CMC1: variants seen among roughly 807,000 people sequenced by gnomAD.
CMC1 encodes the protein C-X9-C motif containing 1.
In CMC1, 14 loss-of-function variants were observed where a neutral mutation model predicts 14.1. The observed-to-expected ratio is 0.99, with a 90% CI of 0.66 to 1.55. The LOEUF is 1.55. CMC1 is among the 40% of genes most tolerant of loss of function. The probability of loss-of-function intolerance (pLI) is 0.00; values close to 1 mark genes in which losing one functional copy is unlikely to be tolerated. For synonymous variants in CMC1, 50 were observed against 38.4 expected, an observed-to-expected ratio of 1.30 and a Z score of -1.12; for missense variants, 127 against 123.8, an observed-to-expected ratio of 1.03 and a Z score of -0.12.
Position 28,303,133 on chromosome 3 carries a change from C to T in CMC1, c.110-13200C>T, listed in dbSNP as rs549117353. The stretch of plus-strand genomic sequence containing the variant: ...TTTGTACAATTCAAGTGAGCTAACA[C>T]GCATAAAGTACCTAGTATAGTAGTG... On this transcript the variant is annotated intron_variant, in intron 2 of 3. Coordinates refer to ENST00000466830, the MANE Select transcript of CMC1 (RefSeq NM_182523.2). Among the ~76,000 whole-genome samples, 14 of 152,112 alleles carry T rather than the reference C, an allele frequency of 9.2e-5. No homozygotes were observed. In the South Asian group the frequency reaches 2.3e-3, roughly 25 times the overall value.
At position 28,321,670 on chromosome 3, in the gene CMC1, G is replaced by A. The variant is rs1414262816; in HGVS notation, c.*2041G>A. 1 of 151,278 alleles carries A rather than the reference G, an allele frequency of 6.6e-6. No homozygotes were observed. The highest frequency in any genetic ancestry group is 1.9e-4 in the East Asian group (1 of 5,140). 9.4% of individuals were successfully genotyped at this position (151,278 alleles called of 1,614,324 possible). On this transcript the variant is annotated 3_prime_UTR_variant, in exon 4 of 4. Transcript: ENST00000466830. ...AAGTAGCCTTTCTGAATTAAGATCA[G>A]TACTTTGTTGTCACATGATTCAGCT...
intron 2 of CMC1, among the ~76,000 whole-genome samples, chr3:28,279,926 A>G (rs1700788887): frequency 6.6e-6 from 1 of 152,232 alleles, no homozygotes; most frequent in African/African-American, 2.4e-5. Context: ...TCCAGGAGAA[A>G]TGAAACTACG....
At position 28,324,702 on chromosome 3, in the gene CMC1, C is replaced by T; in HGVS notation, c.*5073C>T. 2.9e-6 allele frequency: 1 copy of T among 340,900 alleles called. No individual in the cohort carries two copies. The highest frequency in any genetic ancestry group is 5.3e-6 in the Non-Finnish European group (1 of 188,442). The allele number at this position is 340,900 out of a possible 1,614,324, so 21.1% of individuals were successfully genotyped here. On this transcript the variant is annotated 3_prime_UTR_variant, in exon 4 of 4. Coordinates refer to ENST00000466830, the MANE Select transcript of CMC1 (RefSeq NM_182523.2). ...CTCCTGATGTCTCTTTCCTTGTCTG[C>T]AGAATGGATATAGAATTCCTGTCCC... is the stretch of plus-strand genomic sequence containing the variant.
intron 2 of CMC1, among the ~76,000 whole-genome samples, chr3:28,290,849 C>T (rs1278521112): frequency 2.0e-5 from 3 of 151,762 alleles, no homozygotes; most frequent in South Asian, 2.1e-4. Flanking sequence ...TTATTAATCT[C>T]ATAGTTTCTG....
chr3:28,258,390 T>A (rs1429323573), intron 1 of CMC1, among the ~76,000 whole-genome samples: 1 of 151,572 alleles, frequency 6.6e-6, no homozygotes, highest in Admixed American at 6.6e-5. Context: ...AATTGAAGGG[T>A]CTTTTTTGTT....
At chr3:28,255,754 C>T (rs1292618877) in intron 1 of CMC1, among the ~76,000 whole-genome samples, 2 of 150,316 alleles carry the variant, frequency 1.3e-5, no homozygotes, top group Non-Finnish European at 1.5e-5. Context: ...CACACACACA[C>T]GCGACAGAGA....
rs1703226764 is a variant in CMC1 at position 28,322,782 on chromosome 3, G to A, written c.*3153G>A. ...TAATAGAAAAAAATATCTAGTGAATGGCGAACATTGTCTATGTATGTATGC... is the reference window on the plus strand; with the variant it reads ...TAATAGAAAAAAATATCTAGTGAATAGCGAACATTGTCTATGTATGTATGC... On this transcript the variant is annotated 3_prime_UTR_variant, in exon 4 of 4. Transcript: ENST00000466830. 1 of 151,412 alleles carries A rather than the reference G, an allele frequency of 6.6e-6. No individual in the cohort carries two copies. The highest frequency in any genetic ancestry group is 2.4e-5 in the African/African-American group (1 of 41,274). The allele number at this position is 151,412 out of a possible 1,614,324, so 9.4% of individuals were successfully genotyped here. A position where few individuals can be genotyped will look rare whatever the true frequency, so the allele number is the denominator to read the frequency against.
At chr3:28,317,398 C>T (rs1310026848) in intron 3 of CMC1, 1 of 151,810 alleles carries the variant, frequency 6.6e-6, no homozygotes, top group East Asian at 1.9e-4. Context: ...GTATTGTACT[C>T]AGTGCTTTAC....
Position 28,324,009 on chromosome 3 carries a change from G to A in CMC1, c.*4380G>A, listed in dbSNP as rs1339410621. ...GGGAGGACCACTGAAAGAGATAAGT[G>A]TCCTCATGGTGAAATCGTGAATCTC... is the stretch of plus-strand genomic sequence containing the variant. On this transcript the variant is annotated 3_prime_UTR_variant, in exon 4 of 4. Transcript: ENST00000466830. 5 of 1,559,314 alleles carry A rather than the reference G, an allele frequency of 3.2e-6. No homozygotes were observed. Among genetic ancestry groups the A allele is most frequent in the East Asian group, 2.3e-5 (1 of 44,308 alleles).
chr3:28,308,246 A>C (rs1702436047), intron 2 of CMC1, among the ~76,000 whole-genome samples: 1 of 152,060 alleles, frequency 6.6e-6, no homozygotes, highest in Non-Finnish European at 1.5e-5. Context: ...AAAAATTCAA[A>C]CCTTAACTGT....
intron 1 of CMC1, among the ~76,000 whole-genome samples, chr3:28,257,961 T>C (rs983478205): frequency 4.6e-5 from 7 of 151,598 alleles, no homozygotes; most frequent in African/African-American, 1.7e-4. Flanking sequence ...CTCTCCAACG[T>C]TGGTGTTGTC....
chr3:28,245,679 C>T (rs942652679), intron 1 of CMC1, among the ~76,000 whole-genome samples: 2 of 152,124 alleles, frequency 1.3e-5, no homozygotes, highest in Non-Finnish European at 2.9e-5. Flanking sequence ...AATTTCATGA[C>T]ATTCCATGAG....
intron 2 of CMC1, among the ~76,000 whole-genome samples, chr3:28,308,799 A>G (rs986806236): frequency 2.0e-5 from 3 of 152,096 alleles, no homozygotes; most frequent in Admixed American, 2.0e-4. Context: ...CCTGGCCAAC[A>G]TGGTGAAACC....
intron 1 of CMC1, among the ~76,000 whole-genome samples, chr3:28,249,490 C>T (rs141214788): frequency 4.9e-4 from 74 of 152,322 alleles, no homozygotes; most frequent in African/African-American, 1.6e-3. Context: ...ATGAGTTAGA[C>T]GTGGTCTCTG....
rs2125627977 is a variant in CMC1, at chr3:28,322,337, C to T, written c.*2708C>T. The T allele has an allele frequency of 6.6e-6, 1 of 151,368 alleles. No individual in the cohort carries two copies. Among genetic ancestry groups the T allele is most frequent in the Admixed American group, 6.6e-5 (1 of 15,138 alleles). The allele number at this position is 151,368 out of a possible 1,614,324, so 9.4% of individuals were successfully genotyped here. On this transcript the variant is annotated 3_prime_UTR_variant, in exon 4 of 4. Coordinates refer to ENST00000466830, the MANE Select transcript of CMC1 (RefSeq NM_182523.2). ...AGATTTTGAGATCTATAGGCAAGGA[C>T]AATATTTCACATCCACTTCAATTTC... is the stretch of plus-strand genomic sequence containing the variant.
At position 28,263,228 on chromosome 3, in the gene CMC1, A is replaced by G. The variant is rs536531669; in HGVS notation, c.20-63A>G. 3.4e-4 allele frequency: 402 copies of G among 1,180,626 alleles called. 1 individual carries two copies. The South Asian group carries it at 4.9e-3, about 14-fold the overall frequency. 73.1% of individuals were successfully genotyped at this position (1,180,626 alleles called of 1,614,324 possible). Reference sequence around the variant, plus strand: ...TTTATTTTAAGTAAACCAGAGTCTTATTTTTCCTTTAATCTGGTGATTTGC... The same window carrying G: ...TTTATTTTAAGTAAACCAGAGTCTTGTTTTTCCTTTAATCTGGTGATTTGC... On this transcript the variant is annotated intron_variant, in intron 1 of 3. Coordinates refer to ENST00000466830, the MANE Select transcript of CMC1 (RefSeq NM_182523.2).
intron 2 of CMC1, among the ~76,000 whole-genome samples, chr3:28,288,124 T>A (rs961101277): frequency 6.6e-6 from 1 of 152,106 alleles, no homozygotes; most frequent in Admixed American, 6.5e-5. Context: ...GGTATTGATA[T>A]ATGAATCTTC....
chr3:28,299,850 G>A (rs1005841391), intron 2 of CMC1, among the ~76,000 whole-genome samples: 1 of 152,048 alleles, frequency 6.6e-6, no homozygotes, highest in African/African-American at 2.4e-5. Flanking sequence ...ACATTATAGT[G>A]GTCTGAAATG....
chr3:28,306,826 G>C (rs1467484585), intron 2 of CMC1, among the ~76,000 whole-genome samples: 1 of 151,958 alleles, frequency 6.6e-6, no homozygotes, highest in African/African-American at 2.4e-5. Flanking sequence ...TGTACTTTTA[G>C]TAGAGACAGG....
Sources: gnomAD v4.1 joint callset for allele counts (sites outside exome capture counted in the v4.1 genomes callset) on GRCh38, gnomAD v4.1.1 for gene constraint, MANE v1.5 for transcripts, NCBI Gene and HGNC (gene_info 2026-07-23, HGNC 2026-07-21) for gene names.